TCF7L2: variants seen among roughly 807,000 people sequenced by gnomAD.
TCF7L2 encodes the protein transcription factor 7 like 2.
A neutral mutation model predicts 77.9 loss-of-function variants in TCF7L2; 23 were observed. The observed-to-expected ratio is 0.30, with a 90% CI of 0.21 to 0.42. TCF7L2 has a LOEUF of 0.42. Ranked by LOEUF, TCF7L2 falls within the 10% of genes least tolerant of loss-of-function variation. The pLI, the probability that TCF7L2 is intolerant of heterozygous loss-of-function variation, is 1.00. For synonymous variants in TCF7L2, 413 were observed against 340.2 expected, an observed-to-expected ratio of 1.21 and a Z score of -2.36; for missense variants, 654 against 793.1, an observed-to-expected ratio of 0.82 and a Z score of 2.11.
chr10:113,063,027 T>G (rs1409990758), intron 5 of TCF7L2, among the ~76,000 whole-genome samples: 4 of 152,182 alleles, frequency 2.6e-5, no homozygotes, highest in African/African-American at 9.7e-5. Flanking sequence ...CGGAATGAAT[T>G]CTGGACCTGC....
intron 5 of TCF7L2, among the ~76,000 whole-genome samples, chr10:113,066,030 A>G (rs1270173352): frequency 1.3e-5 from 2 of 152,196 alleles, no homozygotes; most frequent in Non-Finnish European, 2.9e-5. Context: ...ACTGTTTGCA[A>G]CACCATGTTT....
intron 5 of TCF7L2, among the ~76,000 whole-genome samples, chr10:113,061,903 C>A (rs2056509899): frequency 6.6e-6 from 1 of 152,178 alleles, no homozygotes; most frequent in Admixed American, 6.5e-5. Context: ...CTAAAAGAAT[C>A]TCTTTGGTGA....
At chr10:113,045,303 A>G (rs1377209154) in intron 5 of TCF7L2, among the ~76,000 whole-genome samples, 1 of 152,096 alleles carries the variant, frequency 6.6e-6, no homozygotes, top group Non-Finnish European at 1.5e-5. Context: ...CCCCTGTTCT[A>G]GAGAGGAGGA....
intron 8 of TCF7L2, 148 bp from the exon 9 acceptor site, chr10:113,150,850 A>G: frequency 3.1e-6 from 3 of 963,940 alleles, no homozygotes; most frequent in Non-Finnish European, 4.5e-6. Context: ...ATTTATCGCT[A>G]ATTAATGCTG....
At chr10:112,966,816 A>T (rs2037032235) in intron 4 of TCF7L2, among the ~76,000 whole-genome samples, 1 of 152,194 alleles carries the variant, frequency 6.6e-6, no homozygotes, top group Non-Finnish European at 1.5e-5. Flanking sequence ...TACAGAGCTC[A>T]TTGTTTTGGA....
Position 113,089,525 on chromosome 10 carries a change from G to A in TCF7L2, c.552+49399G>A, listed in dbSNP as rs750382463. On this transcript the variant is annotated intron_variant, in intron 5 of 13. Transcript: ENST00000627217. ...GCCACTCCTTACAAAAAGTTGGGGA[G>A]CCCTGGTGTATTGAGGTAGGTCTCG... 31 of 1,613,826 alleles carry A rather than the reference G, an allele frequency of 1.9e-5. 1 individual carries two copies. In the Admixed American group the frequency reaches 4.3e-4, roughly 23 times the overall value.
At chr10:112,958,180 G>A (rs774512594) in intron 3 of TCF7L2, among the ~76,000 whole-genome samples, 1 of 152,044 alleles carries the variant, frequency 6.6e-6, no homozygotes. Flanking sequence ...ATCTGATTTC[G>A]GGCTAGTAAT....
At chr10:113,112,249 T>C (rs968887050) in intron 5 of TCF7L2, among the ~76,000 whole-genome samples, 4 of 152,384 alleles carry the variant, frequency 2.6e-5, no homozygotes, top group African/African-American at 9.6e-5. Context: ...TGTTAGCCTC[T>C]GGGTATGTTT....
intron 5 of TCF7L2, among the ~76,000 whole-genome samples, chr10:113,098,920 A>G (rs115113182): frequency 0.012 from 1,797 of 152,150 alleles, 35 homozygotes; most frequent in African/African-American, 0.04. Context: ...TCTCCATTTG[A>G]TAGATAGTGC....
intron 5 of TCF7L2, among the ~76,000 whole-genome samples, chr10:113,063,855 TAGG>T (rs2056857441): frequency 6.6e-6 from 1 of 151,012 alleles, no homozygotes; most frequent in South Asian, 2.1e-4. Flanking sequence ...GAGTAGGCAG[TAGG>T]AGAAGAGTGT....
intron 3 of TCF7L2, among the ~76,000 whole-genome samples, chr10:112,961,254 A>ACCGGCCCCCCCCCCCCCCC (rs1349844083): frequency 1.7e-5 from 1 of 60,482 alleles, no homozygotes; most frequent in African/African-American, 1.5e-4. Context: ...ACCTCAGGTG[A>ACCGGCCCCCCCCCCCCCCC]CCCCCCCCCC....
At chr10:112,971,587 G>A (rs1212651456) in intron 4 of TCF7L2, among the ~76,000 whole-genome samples, 1 of 151,908 alleles carries the variant, frequency 6.6e-6, no homozygotes, top group Non-Finnish European at 1.5e-5. Flanking sequence ...TGGGATTACA[G>A]GTGTGAGCCA....
intron 4 of TCF7L2, among the ~76,000 whole-genome samples, chr10:112,985,896 TC>T: frequency 7.8e-6 from 1 of 129,028 alleles, no homozygotes. Flanking sequence ...GTGTGTGCAT[TC>T]TTGTTAACTC....
intron 4 of TCF7L2, among the ~76,000 whole-genome samples, chr10:113,028,648 T>C (rs556741499): frequency 2.6e-5 from 4 of 152,328 alleles, no homozygotes; most frequent in Admixed American, 2.6e-4. Flanking sequence ...GTAGACTCAC[T>C]AAAGCAAGTT....
chr10:113,072,902 T>C (rs1326242964), intron 5 of TCF7L2, among the ~76,000 whole-genome samples: 1 of 152,200 alleles, frequency 6.6e-6, no homozygotes, highest in African/African-American at 2.4e-5. Context: ...GCACTGGGCC[T>C]GAGACCTTTT....
At chr10:113,117,361 G>C (rs574349530) in intron 5 of TCF7L2, among the ~76,000 whole-genome samples, 230 of 128,222 alleles carry the variant, frequency 1.8e-3, no homozygotes, top group African/African-American at 6.5e-3. Context: ...TCCTTGAAGG[G>C]ATTTTCTCTC....
intron 5 of TCF7L2, among the ~76,000 whole-genome samples, chr10:113,050,162 A>C (rs1031556932): frequency 6.6e-6 from 1 of 152,190 alleles, no homozygotes; most frequent in East Asian, 1.9e-4. Flanking sequence ...CCTAGGCTTC[A>C]ATGAGATGGA....
chr10:113,075,852 A>C (rs1399961965), intron 5 of TCF7L2, among the ~76,000 whole-genome samples: 1 of 152,104 alleles, frequency 6.6e-6, no homozygotes, highest in Non-Finnish European at 1.5e-5. Flanking sequence ...TTTGTTTTTA[A>C]AGACAGGATC....
intron 5 of TCF7L2, among the ~76,000 whole-genome samples, chr10:113,103,896 T>G (rs1347823585): frequency 6.6e-6 from 1 of 152,142 alleles, no homozygotes; most frequent in East Asian, 1.9e-4. Context: ...AAGCCAGGCC[T>G]TTTTCCAGGT....
Sources: allele counts gnomAD v4.1 joint callset (sites outside exome capture counted in the v4.1 genomes callset), GRCh38; gene constraint gnomAD v4.1.1; transcripts MANE v1.5; gene names NCBI Gene and HGNC (gene_info 2026-07-23, HGNC 2026-07-21).